The following MCTP2 variants were observed in gnomAD, a reference collection of about 807,000 sequenced individuals.
The protein encoded by MCTP2 is multiple C2 and transmembrane domain-containing protein 2.
In MCTP2, 132 loss-of-function variants were observed where a neutral mutation model predicts 111.6. The observed-to-expected ratio is 1.18, with a 90% CI of 1.03 to 1.37. The LOEUF is 1.37. Ranked by LOEUF, MCTP2 falls within the 40% of genes most tolerant of loss-of-function variation. MCTP2 has a pLI of 0.00. For synonymous variants in MCTP2, 395 were observed against 387.7 expected (o/e 1.02, Z -0.22); for missense variants, 1,183 against 1,067.9 (o/e 1.11, Z -1.50).
intron 17 of MCTP2, among the ~76,000 whole-genome samples, chr15:94,433,717 G>A (rs1166443838): frequency 6.6e-6 from 1 of 152,208 alleles, no homozygotes; most frequent in East Asian, 1.9e-4. Flanking sequence ...TTTTTACCAA[G>A]GATGTGTGAG....
chr15:94,245,441 C>T (rs201110510), intron 1 of MCTP2, among the ~76,000 whole-genome samples: 4,926 of 130,642 alleles, frequency 0.038, 167 homozygotes, highest in East Asian at 0.12. Flanking sequence ...TTTATATATA[C>T]ACATATATGT....
Position 94,476,746 on chromosome 15 carries a change from A to G in MCTP2, c.2521A>G (p.Asn841Asp). Residue 841 changes from asparagine (N) to aspartate (D), a missense_variant, in exon 22 of 23, where the codon AAT (asparagine) becomes GAT (aspartate). Coordinates refer to ENST00000357742, the MANE Select transcript of MCTP2 (RefSeq NM_001385001.1). Reference protein sequence around the residue: ...KLRNPYSIDNNELLDFLSRVP... With the variant: ...KLRNPYSIDNDELLDFLSRVP... ...TCGAAATCCCTATTCCATCGACAAT[A>G]ATGAGCTACTAGACTTCCTCTCTAG... 6.2e-7 allele frequency: 1 copy of G among 1,610,426 alleles called. No individual in the cohort carries two copies. Among genetic ancestry groups the G allele is most frequent in the Non-Finnish European group, 8.5e-7 (1 of 1,176,746 alleles).
chr15:94,360,508 G>A (rs1416546942), intron 10 of MCTP2, among the ~76,000 whole-genome samples: 1 of 152,156 alleles, frequency 6.6e-6, no homozygotes, highest in Non-Finnish European at 1.5e-5. Context: ...GATCAATTAC[G>A]CAAATTCAGA....
intron 1 of MCTP2, among the ~76,000 whole-genome samples, chr15:94,263,845 C>A (rs182092928): frequency 6.6e-6 from 1 of 152,168 alleles, no homozygotes; most frequent in African/African-American, 2.4e-5. Context: ...GAAACTTTAG[C>A]GAGTATACCA....
At chr15:94,427,102 A>G (rs1166808460) in intron 17 of MCTP2, among the ~76,000 whole-genome samples, 1 of 152,160 alleles carries the variant, frequency 6.6e-6, no homozygotes, top group Non-Finnish European at 1.5e-5. Context: ...AAATGAATGT[A>G]GAATGTCCAG....
At chr15:94,434,869 C>CT (rs370255459) in intron 17 of MCTP2, among the ~76,000 whole-genome samples, 1,881 of 134,158 alleles carry the variant, frequency 0.014, 27 homozygotes, top group African/African-American at 0.04. Context: ...TTTTTTTTTT[C>CT]TTTTTTTTTT....
intron 1 of MCTP2, among the ~76,000 whole-genome samples, chr15:94,234,001 T>C (rs1021683346): frequency 5.3e-5 from 8 of 152,140 alleles, no homozygotes; most frequent in Non-Finnish European, 8.8e-5. Flanking sequence ...TCAGGTAGAA[T>C]ATTTTGCCTG....
At chr15:94,403,885 C>T (rs1376901090) in intron 17 of MCTP2, among the ~76,000 whole-genome samples, 1 of 152,140 alleles carries the variant, frequency 6.6e-6, no homozygotes, top group Non-Finnish European at 1.5e-5. Flanking sequence ...TGCAAGGATC[C>T]ATGGGTATAT....
chr15:94,414,855 A>G lies in MCTP2; in HGVS notation c.2085+12836A>G, dbSNP rs116018413. Among the ~76,000 whole-genome samples, 634 of 152,254 alleles carry G rather than the reference A, an allele frequency of 4.2e-3. 1 individual carries two copies. The highest frequency in any genetic ancestry group is 0.013 in the African/African-American group (551 of 41,554). ...TGTTGCTAATACACTTTTTTACATT[A>G]CAGACTTCGTAGCTTAAAGATAAAT... is the stretch of plus-strand genomic sequence containing the variant. On this transcript the variant is annotated intron_variant, in intron 17 of 22. Transcript: ENST00000357742.
rs112857799 is a variant in MCTP2, at chr15:94,265,460, A to G, written c.-65-32741A>G. 2.6e-3 allele frequency among the ~76,000 whole-genome samples: 390 copies of G among 152,296 alleles called. 2 individuals carry two copies. The highest frequency in any genetic ancestry group is 7.8e-3 in the African/African-American group (323 of 41,566). On this transcript the variant is annotated intron_variant, in intron 1 of 22. Transcript: ENST00000357742. ...TGGCACTCTATTATTAAATATTTCA[A>G]AGTATATACTCCATGTGTATGCACT...
chr15:94,379,143 C>T (rs1314181619), intron 12 of MCTP2, among the ~76,000 whole-genome samples: 3 of 151,554 alleles, frequency 2.0e-5, no homozygotes, highest in East Asian at 3.9e-4. Context: ...ACCTATTCCC[C>T]GTGCAAAGTA....
At chr15:94,419,631 A>C (rs892402167) in intron 17 of MCTP2, among the ~76,000 whole-genome samples, 2 of 152,102 alleles carry the variant, frequency 1.3e-5, no homozygotes, top group Admixed American at 6.6e-5. Context: ...AAAGTGTAGA[A>C]TTAGTTTTCT....
chr15:94,473,734 A>G (rs1400788721), intron 21 of MCTP2, among the ~76,000 whole-genome samples: 2 of 152,322 alleles, frequency 1.3e-5, no homozygotes, highest in Non-Finnish European at 2.9e-5. Flanking sequence ...TTGATAGCAC[A>G]ATATTTTTTT....
chr15:94,466,151 C>T (rs1235089160), intron 20 of MCTP2, among the ~76,000 whole-genome samples: 3 of 152,190 alleles, frequency 2.0e-5, no homozygotes, highest in South Asian at 4.2e-4. Context: ...CTTCAAGCAT[C>T]TCTTACATGA....
chr15:94,379,510 G>A (rs1034066489), intron 12 of MCTP2, among the ~76,000 whole-genome samples: 1 of 151,812 alleles, frequency 6.6e-6, no homozygotes, highest in African/African-American at 2.4e-5. Flanking sequence ...GTCCAGAAGT[G>A]CTTTCTTCCA....
chr15:94,407,177 C>T lies in MCTP2; in HGVS notation c.2085+5158C>T, dbSNP rs188838776. On this transcript the variant is annotated intron_variant, in intron 17 of 22. Transcript: ENST00000357742. ...AACCCCAATGTTGTCTATTAAAAGTCCTAAAGTTATATTATTATATAAATG... is the reference window on the plus strand; with the variant it reads ...AACCCCAATGTTGTCTATTAAAAGTTCTAAAGTTATATTATTATATAAATG... Among the ~76,000 whole-genome samples the T allele has an allele frequency of 2.6e-3, 400 of 151,896 alleles. 1 individual carries two copies. The highest frequency in any genetic ancestry group is 4.8e-3 in the Non-Finnish European group (325 of 67,962).
rs1047614025 is a variant in MCTP2, at chr15:94,298,531, C to T, written c.266C>T (p.Pro89Leu). 8 of 1,613,962 alleles carry T rather than the reference C, an allele frequency of 5.0e-6. No individual in the cohort carries two copies. In the African/African-American group the frequency reaches 1.1e-4, roughly 22 times the overall value. ...PSSLSTAGIF[P>L]KSSSSSLKQS... ...AGTCTGTCCACTGCAGGGATCTTTCCCAAGAGCAGCAGTAGCTCCTTGAAA... is the reference window on the plus strand; with the variant it reads ...AGTCTGTCCACTGCAGGGATCTTTCTCAAGAGCAGCAGTAGCTCCTTGAAA... Residue 89 changes from proline (P) to leucine (L), a missense_variant, in exon 2 of 23, where the codon CCC becomes CTC. Transcript: ENST00000357742.
intron 12 of MCTP2, among the ~76,000 whole-genome samples, chr15:94,375,684 C>T (rs999080306): frequency 2.6e-5 from 4 of 152,088 alleles, no homozygotes; most frequent in Non-Finnish European, 2.9e-5. Flanking sequence ...TTTCTCTTTC[C>T]GTTGTTAATA....
rs747145318 is a variant in MCTP2 at position 94,298,421 on chromosome 15, GC to G, written c.158del (p.Pro53LeufsTer44). Reference sequence around the variant, plus strand: ...TGGACCGCCGTCTCAGCCTCTCTGTGCCTGATCTCCTGGAGGCTGAGGCCTT... The same window carrying G: ...TGGACCGCCGTCTCAGCCTCTCTGTGCTGATCTCCTGGAGGCTGAGGCCTT... ...HLDRRLSLSVPDLLEAEALAP... is the reference protein window; with the variant it reads ...HLDRRLSLSVXDLLEAEALAP... On this transcript the variant is annotated frameshift_variant, in exon 2 of 23. Coordinates refer to ENST00000357742, the MANE Select transcript of MCTP2 (RefSeq NM_001385001.1). LOFTEE classifies it high-confidence loss of function. 12 of 1,614,052 alleles carry G rather than the reference GC, an allele frequency of 7.4e-6. No individual in the cohort carries two copies. The East Asian group carries it at 2.2e-4, about 30-fold the overall frequency.
Sources: allele counts gnomAD v4.1 joint callset (sites outside exome capture counted in the v4.1 genomes callset), GRCh38; gene constraint gnomAD v4.1.1; transcripts MANE v1.5; gene names NCBI Gene and HGNC (gene_info 2026-07-23, HGNC 2026-07-21).